Variants in PLEKHH2 observed in about 807,000 individuals in gnomAD.
PLEKHH2 encodes pleckstrin homology domain-containing family H member 2.
A neutral mutation model predicts 187.9 loss-of-function variants in PLEKHH2; 129 were observed. That is an observed-to-expected ratio of 0.69 (90% confidence interval 0.59 to 0.79). The LOEUF (loss-of-function observed/expected upper bound fraction) is 0.79. Ranked by LOEUF, PLEKHH2 falls within the 30% of genes least tolerant of loss-of-function variation. PLEKHH2 has a pLI of 0.00. For synonymous variants in PLEKHH2, 686 were observed against 605.6 expected (o/e 1.13, Z -1.95); for missense variants, 2,076 against 1,751.2 (o/e 1.19, Z -3.31).
At chr2:43,711,872 C>T (rs1429922351) in intron 14 of PLEKHH2, 9 of 892,994 alleles carry the variant, frequency 1.0e-5, no homozygotes, top group East Asian at 1.2e-4. Flanking sequence ...CCAGCCTGGG[C>T]GACAGAAAGA....
At chr2:43,677,549 A>G (rs1156439152) in intron 2 of PLEKHH2, among the ~76,000 whole-genome samples, 1 of 151,964 alleles carries the variant, frequency 6.6e-6, no homozygotes, top group African/African-American at 2.4e-5. Context: ...CCAAGGCAGA[A>G]GAATTTTTCT....
intron 3 of PLEKHH2, among the ~76,000 whole-genome samples, chr2:43,689,349 A>T (rs143081028): frequency 2.2e-3 from 341 of 152,342 alleles, no homozygotes; most frequent in Middle Eastern, 6.8e-3. Flanking sequence ...AACAGGAAGC[A>T]TTCCACACTG....
At chr2:43,758,125 A>G (rs953274162) in intron 26 of PLEKHH2, among the ~76,000 whole-genome samples, 6 of 152,326 alleles carry the variant, frequency 3.9e-5, no homozygotes, top group East Asian at 3.8e-4. Context: ...CCTTTTGTCT[A>G]TGTAGAATAA....
Position 43,738,533 on chromosome 2 carries a change from A to G in PLEKHH2, c.3123+13A>G, listed in dbSNP as rs751354784. 6.3e-7 allele frequency: 1 copy of G among 1,587,256 alleles called. No individual in the cohort carries two copies. Among genetic ancestry groups the G allele is most frequent in the South Asian group, 1.1e-5 (1 of 88,360 alleles). Reference sequence around the variant, plus strand: ...AGGACCATTGCAGGTAGATATTAATATTGATACATATACATGCAATTTAAA... The same window carrying G: ...AGGACCATTGCAGGTAGATATTAATGTTGATACATATACATGCAATTTAAA... On this transcript the variant is annotated intron_variant, in intron 20 of 29. Coordinates refer to ENST00000282406, the MANE Select transcript of PLEKHH2 (RefSeq NM_172069.4).
chr2:43,733,948 T>C (rs1558586590), intron 19 of PLEKHH2, among the ~76,000 whole-genome samples: 1 of 152,248 alleles, frequency 6.6e-6, no homozygotes, highest in South Asian at 2.1e-4. Context: ...TATAAGAAAA[T>C]ATAAATGACC....
chr2:43,733,349 C>A (rs1293702564), intron 19 of PLEKHH2, among the ~76,000 whole-genome samples: 2 of 129,426 alleles, frequency 1.5e-5, no homozygotes, highest in African/African-American at 6.2e-5. Flanking sequence ...GGCAACAGAG[C>A]AAGACTCCAT....
At chr2:43,679,821 A>G (rs577476491) in intron 3 of PLEKHH2, among the ~76,000 whole-genome samples, 173 of 152,202 alleles carry the variant, frequency 1.1e-3, no homozygotes, top group South Asian at 2.7e-3. Context: ...GTTTTTTAAT[A>G]TAACTTTTAT....
intron 25 of PLEKHH2, among the ~76,000 whole-genome samples, chr2:43,756,895 G>A (rs767673493): frequency 6.6e-6 from 1 of 152,104 alleles, no homozygotes; most frequent in East Asian, 1.9e-4. Context: ...GTTGCAATGA[G>A]CCTGGGTGAC....
intron 8 of PLEKHH2, 147 bp from the exon 9 acceptor site, chr2:43,703,834 C>T: frequency 1.9e-6 from 1 of 530,984 alleles, no homozygotes; most frequent in East Asian, 3.0e-5. Flanking sequence ...TTAGTTGGCA[C>T]CGATGATGGT....
intron 2 of PLEKHH2, among the ~76,000 whole-genome samples, chr2:43,674,291 C>G (rs1340232088): frequency 6.6e-6 from 1 of 152,094 alleles, no homozygotes; most frequent in East Asian, 1.9e-4. Flanking sequence ...GCAATCCTGA[C>G]AATATTCAAA....
rs532457707 is a variant in PLEKHH2 at position 43,639,198 on chromosome 2, A to G, written c.-4+1819A>G. On this transcript the variant is annotated intron_variant, in intron 1 of 29. Coordinates refer to ENST00000282406, the MANE Select transcript of PLEKHH2 (RefSeq NM_172069.4). ...TTAAATTTGTAAATGCAGTCCTAGT[A>G]TACATCCATTTAAACTGCGACTTTT... 2.6e-5 allele frequency among the ~76,000 whole-genome samples: 4 copies of G among 152,332 alleles called. No individual in the cohort carries two copies. In the East Asian group the frequency reaches 5.8e-4, roughly 22 times the overall value.
chr2:43,643,169 G>T (rs1430139293), intron 1 of PLEKHH2, among the ~76,000 whole-genome samples: 1 of 152,026 alleles, frequency 6.6e-6, no homozygotes, highest in African/African-American at 2.4e-5. Context: ...AATCATAAAT[G>T]CTAATATGGG....
At chr2:43,760,322 T>C (rs1672371627) in intron 27 of PLEKHH2, among the ~76,000 whole-genome samples, 1 of 151,922 alleles carries the variant, frequency 6.6e-6, no homozygotes, top group Non-Finnish European at 1.5e-5. Flanking sequence ...GTTTTCTGTG[T>C]GTGGTAAAAT....
In PLEKHH2 at chr2:43,644,688, T is replaced by C. The variant is rs373524206; in HGVS notation, c.15T>C (p.Ser5=). 252 of 1,593,080 alleles carry C rather than the reference T, an allele frequency of 1.6e-4. No individual in the cohort carries two copies. The highest frequency in any genetic ancestry group is 2.0e-4 in the Non-Finnish European group (235 of 1,169,544). ...TTTTTTAGAATATGGCAGAGCTTTC[T>C]GAGCCAGAGGGACCAGTAGATTGGA... is the stretch of plus-strand genomic sequence containing the variant. The part of the protein sequence containing the change: MAEL[S]EPEGPVDWKE... The change falls in exon 2 of 30, where the codon TCT becomes TCC. Residue 5 remains serine, a synonymous_variant. Coordinates refer to ENST00000282406, the MANE Select transcript of PLEKHH2 (RefSeq NM_172069.4).
intron 18 of PLEKHH2, among the ~76,000 whole-genome samples, chr2:43,730,536 C>G (rs1160193996): frequency 2.0e-5 from 3 of 152,118 alleles, no homozygotes; most frequent in Non-Finnish European, 4.4e-5. Flanking sequence ...GTAGCTGGGA[C>G]CACAGGCATG....
intron 2 of PLEKHH2, among the ~76,000 whole-genome samples, chr2:43,668,415 G>A (rs1367390593): frequency 6.6e-6 from 1 of 151,984 alleles, no homozygotes; most frequent in African/African-American, 2.4e-5. Flanking sequence ...TAAAATATTA[G>A]ATCATTTATC....
chr2:43,642,504 G>C (rs1470653479), intron 1 of PLEKHH2, among the ~76,000 whole-genome samples: 2 of 152,146 alleles, frequency 1.3e-5, no homozygotes, highest in African/African-American at 2.4e-5. Context: ...GTGTTGAATA[G>C]AAGTGGTGAG....
intron 3 of PLEKHH2, among the ~76,000 whole-genome samples, chr2:43,685,647 A>G (rs917270733): frequency 2.1e-5 from 3 of 139,766 alleles, no homozygotes; most frequent in Non-Finnish European, 3.0e-5. Context: ...TCACCACATT[A>G]CCCAGATTAG....
intron 25 of PLEKHH2, among the ~76,000 whole-genome samples, chr2:43,756,039 C>A (rs1438848617): frequency 6.6e-6 from 1 of 152,156 alleles, no homozygotes; most frequent in Admixed American, 6.5e-5. Context: ...TGAACTCTGC[C>A]TGCCCCTCCA....
Sources: allele counts gnomAD v4.1 joint callset (sites outside exome capture counted in the v4.1 genomes callset), GRCh38; gene constraint gnomAD v4.1.1; transcripts MANE v1.5; gene names NCBI Gene and HGNC (gene_info 2026-07-23, HGNC 2026-07-21).